Variants in ADGRV1 observed in about 807,000 individuals in gnomAD.
ADGRV1 encodes G-protein coupled receptor 98.
ADGRV1 carries 359 observed loss-of-function variants against 596.2 expected under a neutral mutation model. That is an observed-to-expected ratio of 0.60 (90% CI 0.55 to 0.66). ADGRV1 has a LOEUF of 0.66. Among genes scored for constraint, ADGRV1 ranks in the 30% least tolerant of loss-of-function variants. The pLI, the probability that ADGRV1 is intolerant of heterozygous loss-of-function variation, is 0.00. For synonymous variants in ADGRV1, 2,681 were observed against 2,679.2 expected (o/e 1.00, Z -0.02); for missense variants, 7,274 against 7,575.6 (o/e 0.96, Z 1.48).
chr5:91,073,999 A>G (rs950101705), intron 86 of ADGRV1, among the ~76,000 whole-genome samples: 14 of 152,350 alleles, frequency 9.2e-5, no homozygotes, highest in Non-Finnish European at 1.9e-4. Context: ...CGCCCAGCCG[A>G]GGAATATTGT....
chr5:90,955,334 G>A (rs1777381912), intron 83 of ADGRV1, among the ~76,000 whole-genome samples: 1 of 152,086 alleles, frequency 6.6e-6, no homozygotes, highest in Non-Finnish European at 1.5e-5. Flanking sequence ...TGAAAATAAT[G>A]CATTTCCCAA....
At chr5:90,719,897 A>T in intron 43 of ADGRV1, 151 bp from the exon 44 acceptor site, 1 of 604,110 alleles carries the variant, frequency 1.7e-6, no homozygotes, top group South Asian at 2.7e-5. Flanking sequence ...AGATGTAACC[A>T]TCACATTATA....
intron 4 of ADGRV1, among the ~76,000 whole-genome samples, chr5:90,620,539 C>T (rs1164598636): frequency 1.3e-5 from 2 of 152,116 alleles, no homozygotes; most frequent in South Asian, 2.1e-4. Flanking sequence ...TTCTCCCATT[C>T]TGTAGGTTGC....
intron 25 of ADGRV1, 141 bp downstream of exon 25, chr5:90,676,350 C>G: frequency 1.4e-6 from 1 of 690,624 alleles, no homozygotes; most frequent in African/African-American, 1.9e-5. Context: ...AAGAGAGCAG[C>G]CTGAAAGTTA....
At chr5:90,841,409 T>C (rs1189824311) in intron 78 of ADGRV1, among the ~76,000 whole-genome samples, 1 of 152,168 alleles carries the variant, frequency 6.6e-6, no homozygotes, top group Non-Finnish European at 1.5e-5. Flanking sequence ...GAATAGAAAT[T>C]ATCACCCTCT....
At position 90,694,224 on chromosome 5, in the gene ADGRV1, G is replaced by A. The variant is rs143632883; in HGVS notation, c.7468G>A (p.Ala2490Thr). Residue 2490 changes from alanine to threonine, a missense_variant, in exon 33 of 90, where the codon GCA (alanine) becomes ACA (threonine). Physicochemically the swap from Ala to Thr is moderately conservative, Grantham distance 58. Coordinates refer to ENST00000405460, the MANE Select transcript of ADGRV1 (RefSeq NM_032119.4). ...CTACAGGAAAAACATGACCAGGGTAGCATCTCTTTTTAGTGGTCAGGCTGT... is the reference window on the plus strand; with the variant it reads ...CTACAGGAAAAACATGACCAGGGTAACATCTCTTTTTAGTGGTCAGGCTGT... Reference protein sequence around the residue: ...WTYRKNMTRVASLFSGQAVAG... With the variant: ...WTYRKNMTRVTSLFSGQAVAG... The A allele has an allele frequency of 2.2e-4, 362 of 1,613,942 alleles. No homozygotes were observed. The highest frequency in any genetic ancestry group is 1.8e-3 in the Middle Eastern group (11 of 6,056).
At chr5:90,914,428 A>G (rs1480375757) in intron 83 of ADGRV1, among the ~76,000 whole-genome samples, 1 of 152,170 alleles carries the variant, frequency 6.6e-6, no homozygotes, top group Non-Finnish European at 1.5e-5. Context: ...CCCTATTTTT[A>G]AAATGATGAA....
intron 87 of ADGRV1, among the ~76,000 whole-genome samples, chr5:91,125,495 A>G (rs1793671575): frequency 6.6e-6 from 1 of 152,178 alleles, no homozygotes; most frequent in Admixed American, 6.5e-5. Flanking sequence ...TCCATAGAGA[A>G]TCCAGGCGAC....
Position 91,147,066 on chromosome 5 carries a change from C to T in ADGRV1, c.18433-2964C>T, listed in dbSNP as rs528206950. ...CCTGTGGTACCAGCTACTGAGCAGGCTAAGGTGGGAGTATCGCTTGAGCCT... is the reference window on the plus strand; with the variant it reads ...CCTGTGGTACCAGCTACTGAGCAGGTTAAGGTGGGAGTATCGCTTGAGCCT... On this transcript the variant is annotated intron_variant, in intron 87 of 89. Transcript: ENST00000405460. Among the ~76,000 whole-genome samples, 5 of 151,192 alleles carry T rather than the reference C, an allele frequency of 3.3e-5. No homozygotes were observed. In the South Asian group the frequency reaches 1.0e-3, roughly 32 times the overall value.
At position 90,946,304 on chromosome 5, in the gene ADGRV1, A is replaced by G. The variant is rs531863392; in HGVS notation, c.17857-19111A>G. ...GCAAGATCATATAGGGCATTGCAAG[A>G]TCATGGTAAGGCTTTTTAATTACAT... On this transcript the variant is annotated intron_variant, in intron 83 of 89. Coordinates refer to ENST00000405460, the MANE Select transcript of ADGRV1 (RefSeq NM_032119.4). Among the ~76,000 whole-genome samples, 155 of 152,246 alleles carry G rather than the reference A, an allele frequency of 1.0e-3. 1 individual carries two copies. Among genetic ancestry groups the G allele is most frequent in the Non-Finnish European group, 1.5e-3 (102 of 68,014 alleles).
At chr5:90,970,719 AAAG>A (rs1401703883) in intron 84 of ADGRV1, among the ~76,000 whole-genome samples, 1 of 152,178 alleles carries the variant, frequency 6.6e-6, no homozygotes, top group Non-Finnish European at 1.5e-5. Context: ...CACCATCATC[AAAG>A]ACCAAAGGTA....
chr5:90,887,648 C>A (rs1397528671), intron 83 of ADGRV1, among the ~76,000 whole-genome samples: 3 of 151,948 alleles, frequency 2.0e-5, no homozygotes, highest in African/African-American at 7.3e-5. Context: ...CAGTGTAGGG[C>A]CAAGAAGTGT....
intron 59 of ADGRV1, 56 bp from the exon 60 acceptor site, chr5:90,774,130 T>G (rs1204891442): frequency 2.2e-6 from 2 of 919,340 alleles, no homozygotes; most frequent in East Asian, 5.0e-5. Flanking sequence ...ATGACAACAT[T>G]CAAACTTTGG....
chr5:90,840,132 A>G (rs1224180651), intron 77 of ADGRV1, among the ~76,000 whole-genome samples: 1 of 152,016 alleles, frequency 6.6e-6, no homozygotes, highest in African/African-American at 2.4e-5. Context: ...CATGAAACCA[A>G]TTTCTTCTAC....
At chr5:90,592,187 C>G (rs1231210909) in intron 1 of ADGRV1, among the ~76,000 whole-genome samples, 1 of 152,178 alleles carries the variant, frequency 6.6e-6, no homozygotes, top group Non-Finnish European at 1.5e-5. Flanking sequence ...CAGCACAATT[C>G]GCAATTGCAA....
intron 84 of ADGRV1, among the ~76,000 whole-genome samples, chr5:90,976,382 C>A (rs1779617727): frequency 7.2e-6 from 1 of 138,158 alleles, no homozygotes; most frequent in African/African-American, 2.7e-5. Context: ...TTAAGTTTAC[C>A]ATGCATGGGT....
chr5:91,034,136 TTCTGTCCTCCAAA>T (rs1411522344), intron 85 of ADGRV1, among the ~76,000 whole-genome samples: 2 of 152,176 alleles, frequency 1.3e-5, no homozygotes, highest in Non-Finnish European at 2.9e-5. Flanking sequence ...TGTGATTGCT[TTCTGTCCTCCAAA>T]TCTTCCAAAA....
At position 90,642,972 on chromosome 5, in the gene ADGRV1, A is replaced by G. The variant is rs1767188675; in HGVS notation, c.2484A>G (p.Val828=). 4 of 1,613,618 alleles carry G rather than the reference A, an allele frequency of 2.5e-6. No homozygotes were observed. The highest frequency in any genetic ancestry group is 3.4e-6 in the Non-Finnish European group (4 of 1,179,572). ...ATGAATTCTATGGAAACACGGGAGT[A>G]CTAGAATTTAAACCTGGAGAAAGGG... ...DSNEFYGNTG[V]LEFKPGEREI... is the part of the protein sequence containing the mutation. Residue 828 remains valine, a synonymous_variant, in exon 13 of 90, where the codon GTA becomes GTG. Transcript: ENST00000405460.
chr5:90,978,346 T>TA (rs1473459942), intron 84 of ADGRV1, among the ~76,000 whole-genome samples: 1 of 152,078 alleles, frequency 6.6e-6, no homozygotes, highest in Non-Finnish European at 1.5e-5. Flanking sequence ...CTTCCCCTCT[T>TA]AAACTATTAC....
Sources: allele counts gnomAD v4.1 joint callset (sites outside exome capture counted in the v4.1 genomes callset), GRCh38; gene constraint gnomAD v4.1.1; transcripts MANE v1.5; gene names NCBI Gene and HGNC (gene_info 2026-07-23, HGNC 2026-07-21).